TEX52: variants seen among roughly 807,000 people sequenced by gnomAD.
The protein encoded by TEX52 is testis expressed 52.
In TEX52, 22 loss-of-function variants were observed where a neutral mutation model predicts 17.6. That is an observed-to-expected ratio of 1.25 (90% confidence interval 0.89 to 1.78). TEX52 has a LOEUF of 1.78. Among genes scored for constraint, TEX52 ranks in the 40% most tolerant of loss-of-function variants. TEX52 has a pLI of 0.00. For synonymous variants in TEX52, 168 were observed against 147.4 expected (o/e 1.14, Z -1.01); for missense variants, 396 against 372.3 (o/e 1.06, Z -0.52).
chr12:2,849,934 A>G (rs1265839796), intron 2 of TEX52, among the ~76,000 whole-genome samples: 2 of 152,228 alleles, frequency 1.3e-5, no homozygotes, highest in Admixed American at 6.5e-5. Flanking sequence ...ATTGGGTCGA[A>G]CAGTAGGAAA....
In TEX52 at chr12:2,855,253, G is replaced by GCGC. The variant is rs2153929637; in HGVS notation, c.263_265dup (p.Gly88dup). On this transcript the variant is annotated inframe_insertion, in exon 2 of 3. Coordinates refer to ENST00000637658, the MANE Select transcript of TEX52 (RefSeq NM_001365174.2). ...CGTGTGAAAGCCCCAGGTGTGCTGG[G>GCGC]CGCCACCCTTCCAAGGGTGGATGAG... 6.6e-7 allele frequency: 1 copy of GCGC among 1,510,074 alleles called. No individual in the cohort carries two copies. The highest frequency in any genetic ancestry group is 8.9e-7 in the Non-Finnish European group (1 of 1,129,328). 93.5% of individuals were successfully genotyped at this position (1,510,074 alleles called of 1,614,324 possible). A position where few individuals can be genotyped will look rare whatever the true frequency, so the allele number is the denominator to read the frequency against.
At chr12:2,851,719 C>A (rs567678869) in intron 2 of TEX52, among the ~76,000 whole-genome samples, 2 of 151,708 alleles carry the variant, frequency 1.3e-5, no homozygotes, top group East Asian at 3.9e-4. Context: ...TGATCTGTCA[C>A]CCAGGCTGGA....
chr12:2,853,181 C>T (rs989524918), intron 2 of TEX52, among the ~76,000 whole-genome samples: 2 of 152,160 alleles, frequency 1.3e-5, no homozygotes, highest in African/African-American at 4.8e-5. Flanking sequence ...CACCTATCAG[C>T]AACTGGCAAT....
rs1466634668 is a variant in TEX52, at chr12:2,855,055, T to C, written c.464A>G (p.His155Arg). The C allele has an allele frequency of 5.9e-6, 9 of 1,535,684 alleles. No individual in the cohort carries two copies. The highest frequency in any genetic ancestry group is 1.2e-5 in the South Asian group (1 of 84,042). ...MGQNSFLTFIHCYPTFVDMKR... is the reference protein window; with the variant it reads ...MGQNSFLTFIRCYPTFVDMKR... ...CATGTCCACAAACGTGGGATAACAG[T>C]GGATGAAGGTCAGGAAGCTGTTTTG... The change falls in exon 2 of 3, where the codon CAC (histidine) becomes CGC (arginine). Residue 155 changes from histidine to arginine, a missense_variant. By Grantham distance (29) the His-to-Arg change is conservative. Coordinates refer to ENST00000637658, the MANE Select transcript of TEX52 (RefSeq NM_001365174.2).
intron 2 of TEX52, 72 bp downstream of exon 2, chr12:2,854,824 G>A (rs2098082071): frequency 7.0e-7 from 1 of 1,422,066 alleles, no homozygotes; most frequent in Admixed American, 2.5e-5. Context: ...GTTAGAAACA[G>A]GAACCTGAGA....
intron 2 of TEX52, among the ~76,000 whole-genome samples, chr12:2,851,391 G>A (rs148935852): frequency 6.6e-6 from 1 of 152,058 alleles, no homozygotes; most frequent in Non-Finnish European, 1.5e-5. Context: ...CCTGATGCTC[G>A]AGCACAGTGG....
chr12:2,848,720 A>G (rs1181718037), downstream of TEX52, among the ~76,000 whole-genome samples: 1 of 152,182 alleles, frequency 6.6e-6, no homozygotes, highest in East Asian at 1.9e-4. Context: ...CAAATGGTCC[A>G]GGGAGGGGGT....
At chr12:2,850,836 A>G (rs997067978) in intron 2 of TEX52, among the ~76,000 whole-genome samples, 2 of 150,844 alleles carry the variant, frequency 1.3e-5, no homozygotes, top group Admixed American at 6.6e-5. Context: ...ACTCCTGGCT[A>G]ATTTTTTATA....
At position 2,855,218 on chromosome 12, in the gene TEX52, C is replaced by T; in HGVS notation, c.301G>A (p.Val101Met). The T allele has an allele frequency of 6.6e-7, 1 of 1,505,908 alleles. No homozygotes were observed. The highest frequency in any genetic ancestry group is 1.3e-5 in the South Asian group (1 of 79,766). The allele number at this position is 1,505,908 out of a possible 1,614,324, so 93.3% of individuals were successfully genotyped here. ...HTWGFHTWLDVCRLPATFPTQ... is the reference protein window; with the variant it reads ...HTWGFHTWLDMCRLPATFPTQ... ...GGGAAGGTGGCAGGCAGACGGCACA[C>T]ATCGAGCCACGTGTGAAAGCCCCAG... is the stretch of plus-strand genomic sequence containing the variant. Residue 101 changes from valine to methionine, a missense_variant, in exon 2 of 3, where the codon GTG (valine) becomes ATG (methionine). Coordinates refer to ENST00000637658, the MANE Select transcript of TEX52 (RefSeq NM_001365174.2).
In TEX52 at chr12:2,855,251, G is replaced by GGGCGCCACCCTTCCAAGGGTGGA. The variant is rs755683347; in HGVS notation, c.245_267dup (p.Gln90SerfsTer43). 39 of 1,509,406 alleles carry GGGCGCCACCCTTCCAAGGGTGGA rather than the reference G, an allele frequency of 2.6e-5. No individual in the cohort carries two copies. The highest frequency in any genetic ancestry group is 3.3e-5 in the Non-Finnish European group (37 of 1,129,128). The allele number at this position is 1,509,406 out of a possible 1,614,324, so 93.5% of individuals were successfully genotyped here. A position where few individuals can be genotyped will look rare whatever the true frequency, so the allele number is the denominator to read the frequency against. ...CACGTGTGAAAGCCCCAGGTGTGCTGGGCGCCACCCTTCCAAGGGTGGATG... is the reference window on the plus strand; with the variant it reads ...CACGTGTGAAAGCCCCAGGTGTGCTGGGCGCCACCCTTCCAAGGGTGGAGGCGCCACCCTTCCAAGGGTGGATG... On this transcript the variant is annotated frameshift_variant, in exon 2 of 3. Transcript: ENST00000637658. LOFTEE classifies it high-confidence loss of function.
chr12:2,849,849 C>T (rs1217370536), intron 2 of TEX52, among the ~76,000 whole-genome samples: 1 of 152,220 alleles, frequency 6.6e-6, no homozygotes, highest in Non-Finnish European at 1.5e-5. Flanking sequence ...ACCTTTTCCA[C>T]TAATGCAGTG....
chr12:2,848,952 C>A, downstream of TEX52: 1 of 437,426 alleles, frequency 2.3e-6, no homozygotes, highest in South Asian at 2.7e-5. Context: ...GAACTGGAGC[C>A]CCTCCCTGTT....
downstream of TEX52, among the ~76,000 whole-genome samples, chr12:2,848,734 A>G (rs946410622): frequency 1.3e-5 from 2 of 152,068 alleles, no homozygotes; most frequent in African/African-American, 4.8e-5. Context: ...AGGGGGTGGC[A>G]TTTTGGTTAT....
intron 2 of TEX52, among the ~76,000 whole-genome samples, chr12:2,854,406 TC>T (rs1249878419): frequency 2.0e-5 from 3 of 152,096 alleles, no homozygotes; most frequent in Admixed American, 6.6e-5. Context: ...TACCTGAGGC[TC>T]CCCCCTTCAT....
chr12:2,848,158 G>A (rs2098058481), downstream of TEX52, among the ~76,000 whole-genome samples: 1 of 152,212 alleles, frequency 6.6e-6, no homozygotes, highest in Admixed American at 6.5e-5. Context: ...GTGATGTCTT[G>A]ATTCCCAGGT....
At position 2,854,394 on chromosome 12, in the gene TEX52, G is replaced by A. The variant is rs544240605; in HGVS notation, c.623+502C>T. Among the ~76,000 whole-genome samples the A allele has an allele frequency of 1.4e-3, 213 of 152,292 alleles. 1 individual carries two copies. The highest frequency in any genetic ancestry group is 4.8e-3 in the African/African-American group (198 of 41,568). On this transcript the variant is annotated intron_variant, in intron 2 of 2. Transcript: ENST00000637658. Reference sequence around the variant, plus strand: ...CAATTTATCCTCCCACAGTGAGGTCGGTACCTGAGGCTCCCCCCTTCATCG... The same window carrying A: ...CAATTTATCCTCCCACAGTGAGGTCAGTACCTGAGGCTCCCCCCTTCATCG...
intron 2 of TEX52, among the ~76,000 whole-genome samples, chr12:2,849,865 G>A (rs568965545): frequency 3.2e-4 from 49 of 152,284 alleles, no homozygotes; most frequent in African/African-American, 1.2e-3. Flanking sequence ...CAGTGACAGT[G>A]GGAAAATCAC....
chr12:2,854,315 A>G lies in TEX52; in HGVS notation c.623+581T>C, dbSNP rs540422917. Among the ~76,000 whole-genome samples, 84 of 152,282 alleles carry G rather than the reference A, an allele frequency of 5.5e-4. No individual in the cohort carries two copies. The East Asian group carries it at 7.0e-3, about 13-fold the overall frequency. ...TCTGGGATTACAGGCGTGAGCCACC[A>G]CGCCCTGCCATAACATCTAACTTTT... On this transcript the variant is annotated intron_variant, in intron 2 of 2. Coordinates refer to ENST00000637658, the MANE Select transcript of TEX52 (RefSeq NM_001365174.2).
At chr12:2,856,352 C>T (rs930936367) in intron 1 of TEX52, among the ~76,000 whole-genome samples, 1 of 152,180 alleles carries the variant, frequency 6.6e-6, no homozygotes, top group Non-Finnish European at 1.5e-5. Flanking sequence ...CTTCGCCCTC[C>T]TATCCATCCC....
Sources: allele counts gnomAD v4.1 joint callset (sites outside exome capture counted in the v4.1 genomes callset), GRCh38; gene constraint gnomAD v4.1.1; transcripts MANE v1.5; gene names NCBI Gene and HGNC (gene_info 2026-07-23, HGNC 2026-07-21).